The following DPP6 variants were observed in gnomAD, a reference collection of about 807,000 sequenced individuals.
DPP6 encodes dipeptidyl peptidase like 6.
DPP6 carries 69 observed loss-of-function variants against 122.6 expected under a neutral mutation model. That is an observed-to-expected ratio of 0.56 (90% CI 0.46 to 0.69). The LOEUF is 0.69. DPP6 is among the 30% of genes least tolerant of loss of function. DPP6 has a pLI of 0.00. For synonymous variants in DPP6, 418 were observed against 433.1 expected (o/e 0.97, Z 0.43); for missense variants, 928 against 1,116.9 (o/e 0.83, Z 2.41).
chr7:154,754,564 A>G (rs1204174367), intron 8 of DPP6, among the ~76,000 whole-genome samples: 3 of 152,278 alleles, frequency 2.0e-5, no homozygotes, highest in Non-Finnish European at 4.4e-5. Flanking sequence ...TTCACAATCC[A>G]TATTACCTAA....
intron 1 of DPP6, among the ~76,000 whole-genome samples, chr7:154,155,604 G>A (rs1471865090): frequency 3.9e-5 from 6 of 152,192 alleles, no homozygotes; most frequent in South Asian, 4.1e-4. Context: ...TGGTCTAGTA[G>A]CCTTGTGCCA....
At chr7:154,695,725 T>C (rs998025408) in intron 7 of DPP6, among the ~76,000 whole-genome samples, 1 of 152,090 alleles carries the variant, frequency 6.6e-6, no homozygotes, top group African/African-American at 2.4e-5. Context: ...GCTGGCGCTG[T>C]GTGGATCAGG....
At chr7:154,694,423 C>G (rs1336065920) in intron 7 of DPP6, among the ~76,000 whole-genome samples, 5 of 152,116 alleles carry the variant, frequency 3.3e-5, no homozygotes, top group African/African-American at 1.2e-4. Flanking sequence ...ACCAGCCTGG[C>G]CAACATGGGG....
intron 1 of DPP6, among the ~76,000 whole-genome samples, chr7:154,007,220 T>C (rs1307774026): frequency 1.3e-5 from 2 of 152,258 alleles, no homozygotes; most frequent in Non-Finnish European, 2.9e-5. Flanking sequence ...CTCACATGAA[T>C]GTCGATGTAT....
rs141246050 is a variant in DPP6 at position 154,616,480 on chromosome 7, T to A, written c.628-21341T>A. 8.9e-4 allele frequency among the ~76,000 whole-genome samples: 135 copies of A among 152,214 alleles called. 1 individual carries two copies. Among genetic ancestry groups the A allele is most frequent in the African/African-American group, 2.6e-3 (106 of 41,522 alleles). On this transcript the variant is annotated intron_variant, in intron 5 of 25. Transcript: ENST00000377770. The stretch of plus-strand genomic sequence containing the variant: ...AAGAGGGTAGAATCAAAAACAATAC[T>A]GAGAGGGGTCTAAAAATGCAAACAC...
the DPP6 span, among the ~76,000 whole-genome samples, chr7:153,819,863 T>G: frequency 1.3e-5 from 2 of 152,224 alleles, no homozygotes; most frequent in Non-Finnish European, 2.9e-5. Context: ...GCAGCTTTTT[T>G]GTTTGTTTTT....
intron 10 of DPP6, among the ~76,000 whole-genome samples, chr7:154,782,635 G>A (rs79054149): frequency 0.018 from 2,666 of 152,096 alleles, 35 homozygotes; most frequent in Middle Eastern, 0.034. Context: ...ACAGAGGATC[G>A]CTCGTCTCCA....
chr7:153,940,840 CA>C (rs1160235184), intron 1 of DPP6, among the ~76,000 whole-genome samples: 1 of 152,132 alleles, frequency 6.6e-6, no homozygotes, highest in African/African-American at 2.4e-5. Flanking sequence ...GTGTGTTCGC[CA>C]AGCATATGCG....
intron 7 of DPP6, among the ~76,000 whole-genome samples, chr7:154,687,368 A>G (rs757578383): frequency 7.9e-5 from 12 of 152,220 alleles, no homozygotes; most frequent in Non-Finnish European, 1.3e-4. Flanking sequence ...CAGTTTTGCT[A>G]TGTGCATTTT....
chr7:154,664,655 C>CTT (rs59357287), intron 6 of DPP6, among the ~76,000 whole-genome samples: 25 of 127,206 alleles, frequency 2.0e-4, no homozygotes, highest in African/African-American at 6.6e-4. Flanking sequence ...ATATGGAATT[C>CTT]TTTTTTTTTT....
intron 1 of DPP6, among the ~76,000 whole-genome samples, chr7:154,060,169 G>C (rs1163112082): frequency 1.4e-5 from 2 of 145,352 alleles, no homozygotes; most frequent in Middle Eastern, 3.6e-3. Context: ...CCCATCGCAG[G>C]GGGGGAGGCA....
chr7:154,195,186 G>T (rs1798803915), intron 1 of DPP6, among the ~76,000 whole-genome samples: 1 of 152,098 alleles, frequency 6.6e-6, no homozygotes, highest in Admixed American at 6.5e-5. Flanking sequence ...CATTTTTTCT[G>T]CATATGGCTA....
chr7:154,008,907 C>A (rs923734284), intron 1 of DPP6, among the ~76,000 whole-genome samples: 4 of 149,366 alleles, frequency 2.7e-5, no homozygotes, highest in African/African-American at 7.3e-5. Flanking sequence ...CCTCGTGATC[C>A]GCCCGCCTCG....
intron 12 of DPP6, among the ~76,000 whole-genome samples, chr7:154,798,999 C>T (rs1480907398): frequency 6.6e-6 from 1 of 152,118 alleles, no homozygotes; most frequent in Non-Finnish European, 1.5e-5. Context: ...GAGGGAGACA[C>T]ATGGAGGCCA....
At chr7:154,826,317 G>T (rs1024007843) in intron 16 of DPP6, among the ~76,000 whole-genome samples, 6 of 152,058 alleles carry the variant, frequency 3.9e-5, no homozygotes, top group Non-Finnish European at 8.8e-5. Flanking sequence ...CATTAAATTG[G>T]GTGTATATTC....
At chr7:154,872,364 C>A (rs183536539) in intron 18 of DPP6, among the ~76,000 whole-genome samples, 1,770 of 152,132 alleles carry the variant, frequency 0.012, 14 homozygotes, top group East Asian at 0.037. Context: ...TCGAGTCTTC[C>A]GTGCATTCAG....
At chr7:154,847,630 A>G (rs1033116627) in intron 16 of DPP6, among the ~76,000 whole-genome samples, 1 of 152,220 alleles carries the variant, frequency 6.6e-6, no homozygotes, top group Non-Finnish European at 1.5e-5. Flanking sequence ...GCTAATTAAC[A>G]TATCTGTCAC....
intron 3 of DPP6, among the ~76,000 whole-genome samples, chr7:154,511,744 C>G (rs1379885782): frequency 6.6e-6 from 1 of 152,194 alleles, no homozygotes; most frequent in Non-Finnish European, 1.5e-5. Context: ...CATACAAATA[C>G]TCCATTTTCC....
chr7:154,316,493 G>A (rs1807441293), intron 1 of DPP6, among the ~76,000 whole-genome samples: 1 of 152,200 alleles, frequency 6.6e-6, no homozygotes, highest in Non-Finnish European at 1.5e-5. Flanking sequence ...GAAATGAGTT[G>A]TTGAAGTGGA....
Sources: allele counts gnomAD v4.1 joint callset (sites outside exome capture counted in the v4.1 genomes callset), GRCh38; gene constraint gnomAD v4.1.1; transcripts MANE v1.5; gene names NCBI Gene and HGNC (gene_info 2026-07-23, HGNC 2026-07-21).